Variants in ADCY1 observed in about 807,000 individuals in gnomAD.
ADCY1 encodes the protein adenylate cyclase type 1.
Under a neutral mutation model 105.4 loss-of-function variants are expected in ADCY1, and 28 were observed. The ratio of observed to expected loss-of-function variants is 0.27; its 90% CI spans 0.20 to 0.36. ADCY1 has a LOEUF of 0.36. Among genes scored for constraint, ADCY1 ranks in the 10% least tolerant of loss-of-function variants. The pLI is 1.00. For missense variants in ADCY1, 977 were observed against 1,434.2 expected (o/e 0.68, Z 5.15); for synonymous variants, 655 against 623.8 (o/e 1.05, Z -0.75).
intron 1 of ADCY1, among the ~76,000 whole-genome samples, chr7:45,581,604 A>C (rs1209054681): frequency 6.6e-6 from 1 of 152,076 alleles, no homozygotes; most frequent in East Asian, 1.9e-4. Context: ...CTGAAGTGGC[A>C]GGGGCAATGG....
chr7:45,587,772 T>C (rs951493783), intron 1 of ADCY1, among the ~76,000 whole-genome samples: 3 of 152,058 alleles, frequency 2.0e-5, no homozygotes, highest in Admixed American at 6.5e-5. Flanking sequence ...GACTGGGGTG[T>C]TGGTTTTCAG....
intron 4 of ADCY1, among the ~76,000 whole-genome samples, chr7:45,632,175 T>C (rs1794275304): frequency 6.6e-6 from 1 of 152,248 alleles, no homozygotes; most frequent in Non-Finnish European, 1.5e-5. Context: ...TCCATTAACC[T>C]ATGTGTTTAT....
chr7:45,682,369 G>T (rs568466924), intron 11 of ADCY1, among the ~76,000 whole-genome samples: 127 of 152,316 alleles, frequency 8.3e-4, no homozygotes, highest in Non-Finnish European at 1.4e-3. Context: ...TTTTCTGTCA[G>T]GGTTGCAGGC....
At chr7:45,663,967 A>G (rs769552509) in intron 8 of ADCY1, among the ~76,000 whole-genome samples, 8 of 152,136 alleles carry the variant, frequency 5.3e-5, no homozygotes, top group Non-Finnish European at 1.2e-4. Flanking sequence ...TCAGCTCCTA[A>G]CAGAAGGAGG....
intron 1 of ADCY1, among the ~76,000 whole-genome samples, chr7:45,592,175 A>G (rs1399187686): frequency 6.6e-6 from 1 of 151,732 alleles, no homozygotes; most frequent in Non-Finnish European, 1.5e-5. Context: ...TGAAGCTGCT[A>G]TAACAAAGCA....
rs1415892506 is a variant in ADCY1 at position 45,686,233 on chromosome 7, C to A, written c.2327+18C>A. 3 of 1,608,050 alleles carry A rather than the reference C, an allele frequency of 1.9e-6. No individual in the cohort carries two copies. The highest frequency in any genetic ancestry group is 2.7e-5 in the African/African-American group (2 of 74,902). ...AGGACTGGGTAAGTGTGTGGCTCCTCAAGAAAAAGGCCTAAGCAGCGGTGC... is the reference window on the plus strand; with the variant it reads ...AGGACTGGGTAAGTGTGTGGCTCCTAAAGAAAAAGGCCTAAGCAGCGGTGC... On this transcript the variant is annotated intron_variant, in intron 13 of 19. Transcript: ENST00000297323. The surrounding 1 kb of genome is among the most constrained non-coding windows in gnomAD (Gnocchi z 4.3).
At chr7:45,594,424 C>T (rs928698457) in intron 2 of ADCY1, among the ~76,000 whole-genome samples, 17 of 152,108 alleles carry the variant, frequency 1.1e-4, no homozygotes, top group Non-Finnish European at 2.1e-4. Context: ...CTTTGGAAGC[C>T]CTGTTCTCCC....
chr7:45,663,935 C>T (rs1384113408), intron 8 of ADCY1, among the ~76,000 whole-genome samples: 1 of 152,118 alleles, frequency 6.6e-6, no homozygotes. Flanking sequence ...TGGAGTCGTG[C>T]TGTTGCGGGG....
In ADCY1 at chr7:45,591,310, C is replaced by T. The variant is rs919820586; in HGVS notation, c.640-1449C>T. On this transcript the variant is annotated intron_variant, in intron 1 of 19. Transcript: ENST00000297323. This position sits in a 1 kb window ranked among gnomAD's most constrained non-coding sequence, Gnocchi z 4.1. ...CCTAGAGCCGTCTGGGGGCCCCATC[C>T]TGCTGCCTGTAGCTTGGCCCGATCA... Among the ~76,000 whole-genome samples the T allele has an allele frequency of 5.3e-5, 8 of 152,230 alleles. No individual in the cohort carries two copies. Among genetic ancestry groups the T allele is most frequent in the Non-Finnish European group, 8.8e-5 (6 of 68,046 alleles).
chr7:45,653,994 A>G (rs574885561), intron 5 of ADCY1, among the ~76,000 whole-genome samples: 1 of 152,106 alleles, frequency 6.6e-6, no homozygotes, highest in Non-Finnish European at 1.5e-5. Flanking sequence ...TCGAGTCCTT[A>G]ATTTTCTTTG....
chr7:45,651,931 T>C (rs1050865353), intron 5 of ADCY1, among the ~76,000 whole-genome samples: 58 of 152,294 alleles, frequency 3.8e-4, no homozygotes, highest in African/African-American at 1.4e-3. Flanking sequence ...ATTAGTCTGT[T>C]GTCACACTGC....
chr7:45,680,472 C>T (rs562753009), intron 11 of ADCY1: 3 of 152,440 alleles, frequency 2.0e-5, no homozygotes, highest in African/African-American at 7.2e-5. Flanking sequence ...CTAAACGACT[C>T]GTTTCCCTCA....
chr7:45,643,397 T>A (rs978861390), intron 4 of ADCY1, among the ~76,000 whole-genome samples: 1 of 152,222 alleles, frequency 6.6e-6, no homozygotes, highest in Non-Finnish European at 1.5e-5. Flanking sequence ...AGTAATATTA[T>A]TTATTTCATC....
intron 4 of ADCY1, among the ~76,000 whole-genome samples, chr7:45,633,462 C>T (rs374715968): frequency 5.3e-5 from 8 of 152,072 alleles, no homozygotes; most frequent in South Asian, 4.1e-4. Flanking sequence ...AATACATAAA[C>T]GATTATACAT....
chr7:45,657,585 G>T, intron 5 of ADCY1, 142 bp from the exon 6 acceptor site: 1 of 887,824 alleles, frequency 1.1e-6, no homozygotes, highest in Non-Finnish European at 1.7e-6. Context: ...GACTATGCCA[G>T]GAGACCTCCA....
At chr7:45,597,177 ACTC>A (rs2115800967) in intron 2 of ADCY1, among the ~76,000 whole-genome samples, 1 of 151,290 alleles carries the variant, frequency 6.6e-6, no homozygotes, top group South Asian at 2.1e-4. Context: ...CAATATTAAA[ACTC>A]CTCATCCTGT....
Position 45,720,114 on chromosome 7 carries a change from C to CT in ADCY1, c.*6120dup, listed in dbSNP as rs1472282113. The CT allele has an allele frequency of 2.6e-5, 4 of 152,126 alleles. No homozygotes were observed. Among genetic ancestry groups the CT allele is most frequent in the African/African-American group, 9.7e-5 (4 of 41,412 alleles). 9.4% of individuals were successfully genotyped at this position (152,126 alleles called of 1,614,324 possible). The stretch of plus-strand genomic sequence containing the variant: ...AGGCCAGGCCTTCCCAGCTGAGTGT[C>CT]TGTCAGCTTCATTCTCTCTCAGCTG... On this transcript the variant is annotated 3_prime_UTR_variant, in exon 20 of 20. Coordinates refer to ENST00000297323, the MANE Select transcript of ADCY1 (RefSeq NM_021116.4).
At chr7:45,629,508 A>AAT (rs1794168859) in intron 4 of ADCY1, among the ~76,000 whole-genome samples, 1 of 145,932 alleles carries the variant, frequency 6.9e-6, no homozygotes. Context: ...TGTATGCTTA[A>AAT]CTTTTTTTTT....
intron 1 of ADCY1, among the ~76,000 whole-genome samples, chr7:45,592,409 C>T (rs576742855): frequency 6.6e-6 from 1 of 152,328 alleles, no homozygotes; most frequent in Admixed American, 6.5e-5. Flanking sequence ...TTAGTGCCCA[C>T]CCCGATGGCC....
Sources: gnomAD v4.1 joint callset for allele counts (sites outside exome capture counted in the v4.1 genomes callset) on GRCh38, gnomAD v4.1.1 for gene constraint, Gnocchi (gnomAD v3.1) non-coding constraint, MANE v1.5 for transcripts, NCBI Gene and HGNC (gene_info 2026-07-23, HGNC 2026-07-21) for gene names.